Variants in XRN2 observed in about 807,000 individuals in gnomAD.
The protein encoded by XRN2 is DHM1-like protein.
Under a neutral mutation model 138.5 loss-of-function variants are expected in XRN2, and 44 were observed. The ratio of observed to expected loss-of-function variants is 0.32; its 90% CI spans 0.25 to 0.41. The LOEUF (loss-of-function observed/expected upper bound fraction) is 0.41. Among genes scored for constraint, XRN2 ranks in the 10% least tolerant of loss-of-function variants. The probability of loss-of-function intolerance (pLI) is 1.00; values close to 1 mark genes in which losing one functional copy is unlikely to be tolerated. For synonymous variants in XRN2, 354 were observed against 369.4 expected, an observed-to-expected ratio of 0.96 and a Z score of 0.48; for missense variants, 937 against 1,169.3, an observed-to-expected ratio of 0.80 and a Z score of 2.90.
intron 1 of XRN2, among the ~76,000 whole-genome samples, chr20:21,323,749 A>G (rs562306896): frequency 6.6e-6 from 1 of 152,216 alleles, no homozygotes; most frequent in South Asian, 2.1e-4. Flanking sequence ...GCTCCACTCC[A>G]TATGAAGAGC....
chr20:21,371,403 T>C (rs1388665740), intron 27 of XRN2, among the ~76,000 whole-genome samples: 1 of 152,208 alleles, frequency 6.6e-6, no homozygotes, highest in Non-Finnish European at 1.5e-5. Flanking sequence ...TCATGCAAAC[T>C]ATGGACTTGT....
At chr20:21,377,965 G>A (rs2038844602) in intron 27 of XRN2, among the ~76,000 whole-genome samples, 1 of 152,242 alleles carries the variant, frequency 6.6e-6, no homozygotes, top group Non-Finnish European at 1.5e-5. Flanking sequence ...TCGACAGACC[G>A]GCTGATCTCT....
intron 15 of XRN2, among the ~76,000 whole-genome samples, chr20:21,343,632 A>G (rs1428613367): frequency 2.0e-5 from 3 of 150,800 alleles, no homozygotes; most frequent in African/African-American, 4.9e-5. Context: ...ATTATATGCT[A>G]TATATGTAAT....
chr20:21,332,471 TAA>T, intron 9 of XRN2, 31 bp downstream of exon 9: 10 of 1,268,682 alleles, frequency 7.9e-6, no homozygotes, highest in East Asian at 2.8e-5. Context: ...GTTGCCTCAT[TAA>T]AAAAAAAAAT....
intron 24 of XRN2, among the ~76,000 whole-genome samples, chr20:21,359,872 A>G (rs933965140): frequency 1.3e-5 from 2 of 150,470 alleles, no homozygotes; most frequent in South Asian, 4.2e-4. Context: ...TTCTCTTTTG[A>G]CTCCTGGCAT....
At chr20:21,388,948 A>T (rs2038961956) in intron 29 of XRN2, among the ~76,000 whole-genome samples, 1 of 152,236 alleles carries the variant, frequency 6.6e-6, no homozygotes, top group Non-Finnish European at 1.5e-5. Context: ...GACTTGAATT[A>T]CTACTGCTAG....
chr20:21,389,385 T>C lies in XRN2; in HGVS notation c.*47T>C. The C allele has an allele frequency of 6.5e-7, 1 of 1,548,170 alleles. No individual in the cohort carries two copies. The highest frequency in any genetic ancestry group is 8.8e-7 in the Non-Finnish European group (1 of 1,138,784). On this transcript the variant is annotated 3_prime_UTR_variant, in exon 30 of 30. Transcript: ENST00000377191. ...ATCCTTTCATCATTCTACAGTTTTA[T>C]GCTATTTGTGGAAAGATTTCTTTCT...
chr20:21,384,150 C>T (rs998197640), intron 28 of XRN2, among the ~76,000 whole-genome samples: 1 of 152,164 alleles, frequency 6.6e-6, no homozygotes, highest in African/African-American at 2.4e-5. Context: ...GGAACATCCT[C>T]CCAACACAGA....
At chr20:21,326,168 G>A in intron 1 of XRN2, 111 bp from the exon 2 acceptor site, 1 of 1,057,960 alleles carries the variant, frequency 9.5e-7, no homozygotes, top group South Asian at 1.8e-5. Context: ...AAGGTTACTT[G>A]AAGTGTTTTA....
intron 1 of XRN2, among the ~76,000 whole-genome samples, chr20:21,312,662 T>C (rs1600669870): frequency 6.7e-6 from 1 of 148,438 alleles, no homozygotes; most frequent in African/African-American, 2.5e-5. Flanking sequence ...CAGGCTGGAG[T>C]GCAGTGGTGC....
intron 14 of XRN2, among the ~76,000 whole-genome samples, chr20:21,340,163 C>T (rs533069210): frequency 1.1e-4 from 17 of 152,122 alleles, no homozygotes; most frequent in Admixed American, 2.0e-4. Flanking sequence ...GGTGTGGTGA[C>T]GTGTGCCTGT....
intron 20 of XRN2, among the ~76,000 whole-genome samples, chr20:21,354,446 T>C (rs2038551225): frequency 6.6e-6 from 1 of 152,166 alleles, no homozygotes; most frequent in Non-Finnish European, 1.5e-5. Flanking sequence ...CTGGCTTGCT[T>C]GGGGGCATCT....
At chr20:21,343,103 C>T (rs2038392617) in intron 15 of XRN2, among the ~76,000 whole-genome samples, 1 of 152,016 alleles carries the variant, frequency 6.6e-6, no homozygotes, top group African/African-American at 2.4e-5. Context: ...ATTATTATAT[C>T]ATTCAAATGG....
chr20:21,351,937 A>G (rs999144111), intron 20 of XRN2, among the ~76,000 whole-genome samples: 43 of 152,204 alleles, frequency 2.8e-4, no homozygotes, highest in Non-Finnish European at 5.4e-4. Flanking sequence ...CCTTATGCCA[A>G]TGCTATACTG....
rs2038139335 is a variant in XRN2 at position 21,327,121 on chromosome 20, C to G, written c.315+520C>G. Among the ~76,000 whole-genome samples, 3 of 152,076 alleles carry G rather than the reference C, an allele frequency of 2.0e-5. No homozygotes were observed. The South Asian group carries it at 6.2e-4, about 32-fold the overall frequency. The stretch of plus-strand genomic sequence containing the variant: ...TGGCAGGTAAACACACTTTCCGTGC[C>G]TTTGACCACACTGACATGTTTTGGC... On this transcript the variant is annotated intron_variant, in intron 3 of 29. Transcript: ENST00000377191.
intron 27 of XRN2, among the ~76,000 whole-genome samples, chr20:21,379,980 TC>T (rs2122354466): frequency 6.6e-6 from 1 of 152,300 alleles, no homozygotes; most frequent in Non-Finnish European, 1.5e-5. Flanking sequence ...TGTATTGTCT[TC>T]ATTCGATTTT....
chr20:21,357,667 C>T, intron 23 of XRN2, 69 bp from the exon 24 acceptor site: 1 of 1,269,686 alleles, frequency 7.9e-7, no homozygotes, highest in Non-Finnish European at 1.1e-6. Context: ...AACATAGCAA[C>T]ATCTTATTTC....
At chr20:21,346,885 G>A (rs1051666313) in intron 17 of XRN2, among the ~76,000 whole-genome samples, 2 of 152,094 alleles carry the variant, frequency 1.3e-5, no homozygotes, top group African/African-American at 4.8e-5. Flanking sequence ...CTAAAGTAGT[G>A]GGATTACAGG....
rs529135888 is a variant in XRN2, at chr20:21,362,975, C to T, written c.2256-2446C>T. Among the ~76,000 whole-genome samples the T allele has an allele frequency of 4.6e-5, 7 of 152,224 alleles. No individual in the cohort carries two copies. In the South Asian group the frequency reaches 1.5e-3, roughly 32 times the overall value. Reference sequence around the variant, plus strand: ...CAGTAAAACTGTACTGTTCCTTGGTCCTGGGACCCTTTCCATATCTTTGTT... The same window carrying T: ...CAGTAAAACTGTACTGTTCCTTGGTTCTGGGACCCTTTCCATATCTTTGTT... On this transcript the variant is annotated intron_variant, in intron 24 of 29. Coordinates refer to ENST00000377191, the MANE Select transcript of XRN2 (RefSeq NM_012255.5).
Sources: allele counts gnomAD v4.1 joint callset (sites outside exome capture counted in the v4.1 genomes callset), GRCh38; gene constraint gnomAD v4.1.1; transcripts MANE v1.5; gene names NCBI Gene and HGNC (gene_info 2026-07-23, HGNC 2026-07-21).